CFAP54: variants seen among roughly 807,000 people sequenced by gnomAD.
CFAP54 encodes the protein cilia- and flagella-associated protein 54.
A neutral mutation model predicts 370.4 loss-of-function variants in CFAP54; 290 were observed. That is an observed-to-expected ratio of 0.78 (90% CI 0.71 to 0.86). CFAP54 has a LOEUF of 0.86. Ranked by LOEUF, CFAP54 falls within the 40% of genes least tolerant of loss-of-function variation. The pLI is 0.00. For missense variants in CFAP54, 3,399 were observed against 3,528.7 expected, an observed-to-expected ratio of 0.96 and a Z score of 0.93; for synonymous variants, 1,206 against 1,236.5, an observed-to-expected ratio of 0.98 and a Z score of 0.52.
chr12:96,867,366 A>G (rs1288767370), intron 67 of CFAP54, among the ~76,000 whole-genome samples: 1 of 152,144 alleles, frequency 6.6e-6, no homozygotes, highest in Non-Finnish European at 1.5e-5. Flanking sequence ...CTTTCCTTCA[A>G]AAAGCTCACA....
chr12:96,510,621 T>C (rs1021423759), intron 4 of CFAP54, among the ~76,000 whole-genome samples: 19 of 152,288 alleles, frequency 1.2e-4, no homozygotes, highest in African/African-American at 4.3e-4. Flanking sequence ...ATATTTTTAC[T>C]TGGTGACTAT....
intron 62 of CFAP54, among the ~76,000 whole-genome samples, chr12:96,788,809 T>C (rs1421503222): frequency 6.6e-6 from 1 of 152,066 alleles, no homozygotes; most frequent in Non-Finnish European, 1.5e-5. Flanking sequence ...TGATTCTCAG[T>C]TGGTGTTATG....
At chr12:96,507,247 G>C (rs1487389212) in intron 4 of CFAP54, 148 bp downstream of exon 4, 2 of 663,292 alleles carry the variant, frequency 3.0e-6, no homozygotes, top group Middle Eastern at 4.1e-4. Flanking sequence ...CGTGTGACAT[G>C]TTTGTCCTCG....
At chr12:96,547,102 C>T (rs546432332) in intron 14 of CFAP54, among the ~76,000 whole-genome samples, 1 of 152,190 alleles carries the variant, frequency 6.6e-6, no homozygotes, top group African/African-American at 2.4e-5. Flanking sequence ...CACCTTGTTG[C>T]CACCTAAAAC....
At chr12:96,783,183 G>A (rs1263567295) in intron 60 of CFAP54, among the ~76,000 whole-genome samples, 1 of 152,180 alleles carries the variant, frequency 6.6e-6, no homozygotes, top group Non-Finnish European at 1.5e-5. Flanking sequence ...GTGAAGGACA[G>A]ATATGGGATT....
chr12:96,845,261 A>G (rs950473063), intron 66 of CFAP54, among the ~76,000 whole-genome samples: 2 of 152,188 alleles, frequency 1.3e-5, no homozygotes, highest in African/African-American at 4.8e-5. Context: ...CACAGCTTGT[A>G]TTGGTTATAT....
intron 60 of CFAP54, among the ~76,000 whole-genome samples, chr12:96,771,821 A>G (rs935766329): frequency 6.6e-6 from 1 of 152,200 alleles, no homozygotes; most frequent in African/African-American, 2.4e-5. Context: ...AGCGATTGCA[A>G]AGGGATCCTT....
At chr12:96,540,707 G>A (rs1955560618) in intron 13 of CFAP54, 130 bp from the exon 14 acceptor site, 2 of 470,416 alleles carry the variant, frequency 4.3e-6, no homozygotes, top group Admixed American at 8.6e-5. Flanking sequence ...AATAAGGAGG[G>A]GTACCTGTGT....
At chr12:96,743,956 C>G (rs754841838) in intron 54 of CFAP54, 46 bp downstream of exon 54, 3 of 1,600,070 alleles carry the variant, frequency 1.9e-6, no homozygotes, top group Non-Finnish European at 2.6e-6. Flanking sequence ...TTACTTTTCT[C>G]TCTTTCCTCC....
chr12:96,682,593 C>T (rs538134707), intron 40 of CFAP54, among the ~76,000 whole-genome samples: 1 of 152,094 alleles, frequency 6.6e-6, no homozygotes, highest in Non-Finnish European at 1.5e-5. Context: ...CCAGACTGAT[C>T]TTGAACTCTT....
chr12:96,501,243 G>T, intron 2 of CFAP54: 1 of 216,604 alleles, frequency 4.6e-6, no homozygotes, highest in Non-Finnish European at 9.4e-6. Flanking sequence ...CTGAATCATC[G>T]TGTTCCTACC....
At chr12:96,740,224 G>T (rs1297286192) in intron 51 of CFAP54, among the ~76,000 whole-genome samples, 163 bp downstream of exon 51, 1 of 152,030 alleles carries the variant, frequency 6.6e-6, no homozygotes, top group East Asian at 1.9e-4. Context: ...TTTATTTATT[G>T]GTATACCTTG....
At chr12:96,844,533 A>C (rs1037660166) in intron 66 of CFAP54, among the ~76,000 whole-genome samples, 5 of 152,224 alleles carry the variant, frequency 3.3e-5, no homozygotes, top group South Asian at 2.1e-4. Flanking sequence ...TAAGAGAATA[A>C]ATTCATGTTG....
At chr12:96,602,323 G>T (rs1304503308) in intron 26 of CFAP54, among the ~76,000 whole-genome samples, 3 of 152,200 alleles carry the variant, frequency 2.0e-5, no homozygotes, top group African/African-American at 7.2e-5. Flanking sequence ...CTGAGAGACA[G>T]TTTGTTGTGA....
intron 14 of CFAP54, among the ~76,000 whole-genome samples, chr12:96,547,673 G>A (rs1269921600): frequency 6.6e-6 from 1 of 152,106 alleles, no homozygotes; most frequent in Non-Finnish European, 1.5e-5. Context: ...GAGATTATCG[G>A]TAATTAAAAA....
At chr12:96,592,005 A>G (rs1004880725) in intron 23 of CFAP54, among the ~76,000 whole-genome samples, 1 of 152,090 alleles carries the variant, frequency 6.6e-6, no homozygotes, top group Non-Finnish European at 1.5e-5. Flanking sequence ...ATGTAATCGA[A>G]CATGAATTTG....
chr12:96,773,392 CT>C (rs1340844347), intron 60 of CFAP54, among the ~76,000 whole-genome samples: 2 of 152,248 alleles, frequency 1.3e-5, no homozygotes, highest in Non-Finnish European at 2.9e-5. Context: ...CCAGTTCCAC[CT>C]CCAAGTCTTG....
chr12:96,496,281 A>T (rs950449087), intron 1 of CFAP54, among the ~76,000 whole-genome samples: 1 of 152,246 alleles, frequency 6.6e-6, no homozygotes, highest in Non-Finnish European at 1.5e-5. Context: ...ACTCCAACAC[A>T]TACATCATAA....
rs1237935134 is a variant in CFAP54, at chr12:96,590,027, A to AT, written c.3212+465dup. 2.0e-5 allele frequency among the ~76,000 whole-genome samples: 3 copies of AT among 152,320 alleles called. No homozygotes were observed. The East Asian group carries it at 5.8e-4, about 29-fold the overall frequency. ...CTTCCAAAGTGCCGAGATTACAGGC[A>AT]TAAGCCACCATGCCCGGCCAAGAAA... is the stretch of plus-strand genomic sequence containing the variant. On this transcript the variant is annotated intron_variant, in intron 23 of 67. Transcript: ENST00000524981.
Sources: gnomAD v4.1 joint callset for allele counts (sites outside exome capture counted in the v4.1 genomes callset) on GRCh38, gnomAD v4.1.1 for gene constraint, MANE v1.5 for transcripts, NCBI Gene and HGNC (gene_info 2026-07-23, HGNC 2026-07-21) for gene names.